GPC6: variants seen among roughly 807,000 people sequenced by gnomAD.
GPC6 encodes glypican-6.
GPC6 carries 14 observed loss-of-function variants against 55.2 expected under a neutral mutation model. The ratio of observed to expected loss-of-function variants is 0.25; its 90% CI spans 0.17 to 0.40. GPC6 has a LOEUF of 0.40. Among genes scored for constraint, GPC6 ranks in the 10% least tolerant of loss-of-function variants. The pLI is 1.00. For synonymous variants in GPC6, 278 were observed against 259.6 expected (o/e 1.07, Z -0.68); for missense variants, 641 against 708.5 (o/e 0.90, Z 1.08).
intron 6 of GPC6, among the ~76,000 whole-genome samples, chr13:94,341,491 C>T (rs1451773706): frequency 6.6e-6 from 1 of 150,534 alleles, no homozygotes; most frequent in African/African-American, 2.4e-5. Flanking sequence ...GAGGCTGAGG[C>T]AGGAGAATTG....
At chr13:94,071,244 A>C (rs1018871641) in intron 4 of GPC6, among the ~76,000 whole-genome samples, 1 of 152,228 alleles carries the variant, frequency 6.6e-6, no homozygotes, top group Non-Finnish European at 1.5e-5. Context: ...AATGATGAAT[A>C]GTCTTTCGTG....
At chr13:93,709,574 C>T (rs1882982039) in intron 2 of GPC6, among the ~76,000 whole-genome samples, 1 of 151,758 alleles carries the variant, frequency 6.6e-6, no homozygotes, top group Non-Finnish European at 1.5e-5. Context: ...TCCTTTCTTC[C>T]TACTGAAATT....
At chr13:93,288,265 T>C (rs546727933) in intron 1 of GPC6, among the ~76,000 whole-genome samples, 4 of 152,170 alleles carry the variant, frequency 2.6e-5, no homozygotes, top group Non-Finnish European at 5.9e-5. Flanking sequence ...CTGTGTGTTA[T>C]CTTGTAATTT....
Position 93,551,545 on chromosome 13 carries a change from G to A in GPC6, c.319+6124G>A, listed in dbSNP as rs192653162. ...AGTGGAGTTTGGAGATGCTAATATC[G>A]ACAGGTGGAGGCAGAATGCTCCTTA... On this transcript the variant is annotated intron_variant, in intron 2 of 8. Transcript: ENST00000377047. 4.3e-4 allele frequency among the ~76,000 whole-genome samples: 65 copies of A among 152,192 alleles called. 1 individual carries two copies. The highest frequency in any genetic ancestry group is 1.5e-3 in the African/African-American group (62 of 41,512).
chr13:93,460,656 C>T (rs1486252828), intron 1 of GPC6, among the ~76,000 whole-genome samples: 1 of 152,052 alleles, frequency 6.6e-6, no homozygotes, highest in African/African-American at 2.4e-5. Context: ...TAATAATTAT[C>T]TAGACATGAA....
intron 3 of GPC6, among the ~76,000 whole-genome samples, chr13:93,839,728 G>T (rs531321102): frequency 6.6e-6 from 1 of 152,190 alleles, no homozygotes; most frequent in African/African-American, 2.4e-5. Flanking sequence ...TTATGAGGAT[G>T]TTCCCTGGTG....
chr13:93,754,637 A>G (rs1265938083), intron 2 of GPC6, among the ~76,000 whole-genome samples: 2 of 152,114 alleles, frequency 1.3e-5, no homozygotes, highest in African/African-American at 4.8e-5. Flanking sequence ...GATAGGAGTA[A>G]AACCCATCAC....
intron 2 of GPC6, among the ~76,000 whole-genome samples, chr13:93,671,750 C>T (rs1470825428): frequency 1.3e-5 from 2 of 152,058 alleles, no homozygotes; most frequent in Non-Finnish European, 2.9e-5. Flanking sequence ...CCTCCAAAAT[C>T]CCCATTTCCT....
intron 6 of GPC6, among the ~76,000 whole-genome samples, chr13:94,358,307 A>C (rs1878896763): frequency 6.6e-6 from 1 of 151,676 alleles, no homozygotes; most frequent in Admixed American, 6.6e-5. Flanking sequence ...AAAAAGAAAA[A>C]GGAAAAAAAG....
chr13:93,231,875 C>T (rs143875374), intron 1 of GPC6, among the ~76,000 whole-genome samples: 2 of 152,196 alleles, frequency 1.3e-5, no homozygotes, highest in Non-Finnish European at 2.9e-5. Flanking sequence ...TGGGTTACAG[C>T]TGGATATTAA....
intron 3 of GPC6, among the ~76,000 whole-genome samples, chr13:94,002,232 GAA>G (rs374260928): frequency 8.5e-5 from 13 of 152,126 alleles, no homozygotes; most frequent in African/African-American, 3.1e-4. Flanking sequence ...TAGTTAGAAA[GAA>G]ACCTGTCTAA....
chr13:93,830,693 A>G (rs1419161179), intron 3 of GPC6, 148 bp downstream of exon 3: 1 of 701,930 alleles, frequency 1.4e-6, no homozygotes, highest in Admixed American at 2.8e-5. Flanking sequence ...TAAATATCAA[A>G]GCATAATTCT....
intron 2 of GPC6, among the ~76,000 whole-genome samples, chr13:93,620,835 C>T (rs1156354900): frequency 6.6e-6 from 1 of 152,150 alleles, no homozygotes; most frequent in East Asian, 1.9e-4. Flanking sequence ...CCCAACCTTT[C>T]TGCCACCTTA....
chr13:93,849,444 C>T (rs1208883682), intron 3 of GPC6, among the ~76,000 whole-genome samples: 1 of 152,036 alleles, frequency 6.6e-6, no homozygotes, highest in Non-Finnish European at 1.5e-5. Context: ...GCTCGAAAGA[C>T]ATTGTAGATG....
At chr13:93,890,095 T>C (rs1875578508) in intron 3 of GPC6, among the ~76,000 whole-genome samples, 2 of 152,144 alleles carry the variant, frequency 1.3e-5, no homozygotes, top group African/African-American at 4.8e-5. Flanking sequence ...TTTTCACATA[T>C]GCTAGCTGTC....
Position 94,298,109 on chromosome 13 carries a change from T to C in GPC6, c.1009-7871T>C, listed in dbSNP as rs796820192. ...AATTTTATATCTAAAGAAAAAGTCGTCATCAAGATGTTTTAAGTTTATATT... is the reference window on the plus strand; with the variant it reads ...AATTTTATATCTAAAGAAAAAGTCGCCATCAAGATGTTTTAAGTTTATATT... On this transcript the variant is annotated intron_variant, in intron 5 of 8. Transcript: ENST00000377047. 2.6e-5 allele frequency among the ~76,000 whole-genome samples: 4 copies of C among 152,192 alleles called. No homozygotes were observed. In the South Asian group the frequency reaches 6.2e-4, roughly 24 times the overall value.
chr13:94,107,577 CTTT>C lies in GPC6; in HGVS notation c.877+79697_877+79699del, dbSNP rs35080088. 9.1e-5 allele frequency among the ~76,000 whole-genome samples: 13 copies of C among 142,868 alleles called. No individual in the cohort carries two copies. In the East Asian group the frequency reaches 1.9e-3, roughly 21 times the overall value. 93.7% of individuals were successfully genotyped at this position (142,868 alleles called of 152,430 possible). ...CCTTTTTCTTTTTCTATTTCTTTCT[CTTT>C]TTTTTTTTTTTTTCCACCTGCAAGA... On this transcript the variant is annotated intron_variant, in intron 4 of 8. Transcript: ENST00000377047.
At chr13:93,393,119 TATATATATAG>T (rs1463362608) in intron 1 of GPC6, among the ~76,000 whole-genome samples, 56 of 77,818 alleles carry the variant, frequency 7.2e-4, no homozygotes, top group Admixed American at 2.7e-3. Flanking sequence ...TATATATATA[TATATATATAG>T]AGAGAGAGAG....
At chr13:93,709,868 G>A (rs4359315) in intron 2 of GPC6, among the ~76,000 whole-genome samples, 144,872 of 151,788 alleles carry the variant, frequency 0.95, 69,196 homozygotes, top group African/African-American at 0.99. Flanking sequence ...CCAGATTCCC[G>A]TCAGGAAGTA....
Sources: gnomAD v4.1 joint callset for allele counts (sites outside exome capture counted in the v4.1 genomes callset) on GRCh38, gnomAD v4.1.1 for gene constraint, MANE v1.5 for transcripts, NCBI Gene and HGNC (gene_info 2026-07-23, HGNC 2026-07-21) for gene names.